SPANXN2: variants seen among roughly 807,000 people sequenced by gnomAD.
The protein encoded by SPANXN2 is sperm protein associated with the nucleus on the X chromosome N2.
Under a neutral mutation model 2.0 loss-of-function variants are expected in SPANXN2, and 1 was observed. That is an observed-to-expected ratio of 0.50 (90% CI 0.18 to 2.36). SPANXN2 has a LOEUF of 2.36. SPANXN2 is among the 30% of genes most tolerant of loss of function. SPANXN2 has a pLI of 0.26. For synonymous variants in SPANXN2, 43 were observed against 49.8 expected, an observed-to-expected ratio of 0.86 and a Z score of 0.58; for missense variants, 88 against 116.7, an observed-to-expected ratio of 0.75 and a Z score of 1.13.
Position 143,720,631 on chromosome X carries a change from C to G in SPANXN2, c.38G>C (p.Arg13Thr), listed in dbSNP as rs782458336. 7.4e-5 allele frequency: 90 copies of G among 1,208,941 alleles called. No homozygotes were observed. Among genetic ancestry groups the G allele is most frequent in the South Asian group, 2.3e-4 (13 of 56,736 alleles). Reference sequence around the variant, plus strand: ...GTTATTGGATTCACAGGGGCTCTTCCTCTTCTCCCCATTGGTGCTTGAAGT... The same window carrying G: ...GTTATTGGATTCACAGGGGCTCTTCGTCTTCTCCCCATTGGTGCTTGAAGT... Residue 13 changes from arginine to threonine, a missense_variant, in exon 1 of 2, where the codon AGG (arginine) becomes ACG (threonine). By Grantham distance (71) the Arg-to-Thr change is moderately conservative (BLOSUM62 -1). This residue lies in a region of SPANXN2 where 59 missense variants were observed against 56.4 expected (regional missense o/e 1.05). Transcript: ENST00000598475.
rs1486094147 is a variant in SPANXN2 at position 143,715,235 on chromosome X, C to A, written c.79-2736G>T. ...ATACTCAATAGGACAACTAGTTACTCAGTTTGACCAGAATATTCTAGACCC... is the reference window on the plus strand; with the variant it reads ...ATACTCAATAGGACAACTAGTTACTAAGTTTGACCAGAATATTCTAGACCC... On this transcript the variant is annotated intron_variant, in intron 1 of 1. Coordinates refer to ENST00000598475, the Ensembl canonical transcript of SPANXN2. Among the ~76,000 whole-genome samples the A allele has an allele frequency of 1.5e-4, 17 of 110,983 alleles. No homozygotes were observed. The Admixed American group carries it at 1.6e-3, about 11-fold the overall frequency.
chrX:143,715,813 C>T (rs1405296983), intron 1 of SPANXN2, among the ~76,000 whole-genome samples: 1 of 110,972 alleles, frequency 9.0e-6, no homozygotes, highest in African/African-American at 3.3e-5. Context: ...TTAACCAGGC[C>T]GTGGTACCAA....
rs138428708 is a variant in SPANXN2 at position 143,712,396 on chromosome X, G to A, written c.182C>T (p.Thr61Met). 2,262 of 1,211,236 alleles carry A rather than the reference G, an allele frequency of 1.9e-3. 2 individuals carry two copies. The highest frequency in any genetic ancestry group is 2.4e-3 in the Non-Finnish European group (2,106 of 895,424). Residue 61 changes from threonine (T) to methionine (M), a missense_variant, in exon 2 of 2, where the codon ACG (threonine) becomes ATG (methionine). Physicochemically the swap from Thr to Met is moderately conservative, Grantham distance 81. This residue lies in a region of SPANXN2 where 59 missense variants were observed against 56.4 expected (regional missense o/e 1.05). Transcript: ENST00000598475. ...CTCCAGTTGATTTGAATTTATTTTCGTATGCTTCCTGTAGTAATACACTAT... is the reference window on the plus strand; with the variant it reads ...CTCCAGTTGATTTGAATTTATTTTCATATGCTTCCTGTAGTAATACACTAT...
intron 1 of SPANXN2, among the ~76,000 whole-genome samples, chrX:143,719,727 T>C (rs1932329668): frequency 9.0e-6 from 1 of 111,104 alleles, no homozygotes; most frequent in African/African-American, 3.3e-5. Flanking sequence ...TAGTAGCTTC[T>C]GTCTCATCTT....
intron 1 of SPANXN2, among the ~76,000 whole-genome samples, chrX:143,715,850 A>G (rs1275318400): frequency 2.7e-5 from 3 of 110,831 alleles, no homozygotes; most frequent in Non-Finnish European, 5.7e-5. Context: ...CAACCAATAT[A>G]CTCTACTCTA....
intron 1 of SPANXN2, among the ~76,000 whole-genome samples, chrX:143,716,901 A>G (rs1287802409): frequency 1.8e-5 from 2 of 111,225 alleles, no homozygotes; most frequent in Admixed American, 1.9e-4. Flanking sequence ...GAGACATAAA[A>G]TTCTCTACCC....
intron 1 of SPANXN2, among the ~76,000 whole-genome samples, chrX:143,718,497 AG>A (rs201165682): frequency 0.01 from 1,129 of 111,731 alleles, 17 homozygotes; most frequent in African/African-American, 0.034. Flanking sequence ...CTACTCCCAC[AG>A]CGCCAAAGCT....
At chrX:143,712,049 C>A (rs1932166941) in exon 2 of SPANXN2, 1 of 1,212,359 alleles carries the variant, frequency 8.2e-7, no homozygotes, top group Non-Finnish European at 1.1e-6. Flanking sequence ...TCCTCCCCAC[C>A]CTCCTGTGAA....
intron 1 of SPANXN2, among the ~76,000 whole-genome samples, chrX:143,717,177 GCCCTCAC>G (rs1457874815): frequency 1.8e-5 from 2 of 112,103 alleles, no homozygotes; most frequent in Non-Finnish European, 3.8e-5. Context: ...CCTAACCAGG[GCCCTCAC>G]CCTAGCAAAG....
At chrX:143,717,036 C>T (rs1556449908) in intron 1 of SPANXN2, among the ~76,000 whole-genome samples, 2 of 112,189 alleles carry the variant, frequency 1.8e-5, no homozygotes, top group South Asian at 3.7e-4. Context: ...AACACATACA[C>T]GGTTAGTTAA....
chrX:143,720,136 T>G (rs1602681923), intron 1 of SPANXN2, among the ~76,000 whole-genome samples: 1 of 111,081 alleles, frequency 9.0e-6, no homozygotes, highest in South Asian at 3.8e-4. Context: ...AAGGCAAGAA[T>G]GTGAGTCCAA....
At chrX:143,713,089 CT>C (rs1932196791) in intron 1 of SPANXN2, among the ~76,000 whole-genome samples, 1 of 111,474 alleles carries the variant, frequency 9.0e-6, no homozygotes, top group South Asian at 3.8e-4. Flanking sequence ...GAGCTGCCCC[CT>C]GTGTGTCTTT....
At chrX:143,711,966 A>G (rs1489294741) in exon 2 of SPANXN2, 1 of 1,203,092 alleles carries the variant, frequency 8.3e-7, no homozygotes, top group Non-Finnish European at 1.1e-6. Context: ...CAGCTCCTCA[A>G]ACTTGATTTT....
chrX:143,715,926 C>T (rs1932254262), intron 1 of SPANXN2, among the ~76,000 whole-genome samples: 1 of 111,607 alleles, frequency 9.0e-6, no homozygotes, highest in Non-Finnish European at 1.9e-5. Context: ...TCACTATTCC[C>T]TTAAATCTGG....
intron 1 of SPANXN2, among the ~76,000 whole-genome samples, chrX:143,718,832 A>C: frequency 9.1e-6 from 1 of 110,175 alleles, no homozygotes; most frequent in Non-Finnish European, 1.9e-5. Flanking sequence ...TCCTACTCAA[A>C]TCTCCTCTTT....
intron 1 of SPANXN2, among the ~76,000 whole-genome samples, chrX:143,713,219 T>A (rs144910217): frequency 8.9e-6 from 1 of 111,807 alleles, no homozygotes; most frequent in Non-Finnish European, 1.9e-5. Flanking sequence ...CAGCACAAAC[T>A]AGACCAGGGC....
intron 1 of SPANXN2, among the ~76,000 whole-genome samples, chrX:143,713,325 A>C (rs1932199898): frequency 9.0e-6 from 1 of 111,467 alleles, no homozygotes; most frequent in South Asian, 3.8e-4. Context: ...GATAGTGATC[A>C]AACAAGCCAC....
intron 1 of SPANXN2, among the ~76,000 whole-genome samples, chrX:143,715,204 T>C (rs1556449368): frequency 9.0e-6 from 1 of 111,333 alleles, no homozygotes; most frequent in African/African-American, 3.3e-5. Flanking sequence ...ATGTCTTTCC[T>C]ATTGGATACT....
intron 1 of SPANXN2, among the ~76,000 whole-genome samples, chrX:143,713,114 C>T (rs782365150): frequency 1.8e-5 from 2 of 111,224 alleles, no homozygotes; most frequent in South Asian, 3.8e-4. Flanking sequence ...TCATCCTTGC[C>T]TTCCCTTCAA....
Sources: gnomAD v4.1 joint callset for allele counts (sites outside exome capture counted in the v4.1 genomes callset) on GRCh38, gnomAD v4.1.1 for gene constraint, gnomAD v4.1.1 regional missense constraint, MANE v1.5 for transcripts, NCBI Gene and HGNC (gene_info 2026-07-23, HGNC 2026-07-21) for gene names.